The following IP6K2 variants were observed in gnomAD, a reference collection of about 807,000 sequenced individuals.
IP6K2 encodes the protein ATP:1D-myo-inositol-hexakisphosphate phosphotransferase.
A neutral mutation model predicts 43.3 loss-of-function variants in IP6K2; 9 were observed. The observed-to-expected ratio is 0.21, with a 90% CI of 0.13 to 0.36. The LOEUF is 0.36. IP6K2 is among the 10% of genes least tolerant of loss of function. IP6K2 has a pLI of 1.00. For synonymous variants in IP6K2, 209 were observed against 202.4 expected (o/e 1.03, Z -0.28); for missense variants, 332 against 538.4 (o/e 0.62, Z 3.79).
Position 48,688,825 on chromosome 3 carries a change from G to A in IP6K2, c.781-52C>T, listed in dbSNP as rs2106772249. The A allele has an allele frequency of 6.5e-7, 1 of 1,548,130 alleles. No homozygotes were observed. The highest frequency in any genetic ancestry group is 1.2e-5 in the South Asian group (1 of 80,892). On this transcript the variant is annotated intron_variant, in intron 5 of 5. Transcript: ENST00000328631. The surrounding 1 kb of genome is among the most constrained non-coding windows in gnomAD (Gnocchi z 5.1). Reference sequence around the variant, plus strand: ...GGGCTGAGGGCCATCTCAAACCCTGGACCCCGGGCGGGGGTGGGGTGGTGT... The same window carrying A: ...GGGCTGAGGGCCATCTCAAACCCTGAACCCCGGGCGGGGGTGGGGTGGTGT...
intron 1 of IP6K2, among the ~76,000 whole-genome samples, chr3:48,709,567 G>T (rs1366496491): frequency 6.6e-6 from 1 of 152,144 alleles, no homozygotes; most frequent in Non-Finnish European, 1.5e-5. Flanking sequence ...GGCTGGGCGC[G>T]GTGGCTCACG....
intron 1 of IP6K2, among the ~76,000 whole-genome samples, chr3:48,707,260 G>A (rs2079904977): frequency 6.6e-6 from 1 of 152,168 alleles, no homozygotes; most frequent in South Asian, 2.1e-4. Flanking sequence ...ACAGATGGCT[G>A]CCTGGCTCTT....
chr3:48,705,779 G>A (rs2106963087), intron 1 of IP6K2, among the ~76,000 whole-genome samples: 1 of 151,280 alleles, frequency 6.6e-6, no homozygotes, highest in South Asian at 2.1e-4. Context: ...GAGGTAGGTG[G>A]ATCGATTGAG....
chr3:48,700,333 G>GTT (rs2078884796), intron 1 of IP6K2, among the ~76,000 whole-genome samples: 1 of 152,126 alleles, frequency 6.6e-6, no homozygotes, highest in South Asian at 2.1e-4. Flanking sequence ...CATGTCACCT[G>GTT]TTTCTCTCTC....
At chr3:48,692,186 G>A (rs930830753) in intron 3 of IP6K2, among the ~76,000 whole-genome samples, 3 of 152,288 alleles carry the variant, frequency 2.0e-5, no homozygotes, top group South Asian at 2.1e-4. Context: ...GTGGCTTACC[G>A]TGTAAACATC....
chr3:48,699,565 G>GCT (rs1186894323), intron 1 of IP6K2: 1 of 152,168 alleles, frequency 6.6e-6, no homozygotes, highest in Non-Finnish European at 1.5e-5. Context: ...ATAGGTTGCT[G>GCT]CTCTTGGGAA....
intron 1 of IP6K2, among the ~76,000 whole-genome samples, chr3:48,714,387 G>C (rs6786055): frequency 6.6e-6 from 1 of 150,722 alleles, no homozygotes; most frequent in African/African-American, 2.4e-5. Context: ...CCTTTTTTTT[G>C]TGTGTGTGTG....
intron 3 of IP6K2, among the ~76,000 whole-genome samples, 195 bp from the exon 4 acceptor site, chr3:48,691,677 G>C (rs2077795629): frequency 6.6e-6 from 1 of 152,096 alleles, no homozygotes; most frequent in Admixed American, 6.5e-5. Flanking sequence ...TTAGCCAGGC[G>C]TGGTGGTGTG....
At chr3:48,709,338 G>A (rs1358019503) in intron 1 of IP6K2, among the ~76,000 whole-genome samples, 3 of 152,188 alleles carry the variant, frequency 2.0e-5, no homozygotes, top group Admixed American at 6.5e-5. Context: ...TAGTTCCTGC[G>A]ACCAAGGGAA....
intron 3 of IP6K2, among the ~76,000 whole-genome samples, chr3:48,692,667 C>T (rs2077900493): frequency 6.6e-6 from 1 of 152,248 alleles, no homozygotes. Flanking sequence ...TGGCTCCTCT[C>T]TTAGTCACTG....
intron 1 of IP6K2, among the ~76,000 whole-genome samples, chr3:48,705,639 C>T (rs1402034790): frequency 6.7e-6 from 1 of 148,796 alleles, no homozygotes; most frequent in African/African-American, 2.5e-5. Flanking sequence ...GATGACAGAG[C>T]AGGACACTGT....
chr3:48,710,520 G>A (rs779602437), intron 1 of IP6K2, among the ~76,000 whole-genome samples: 8 of 152,172 alleles, frequency 5.3e-5, no homozygotes, highest in Non-Finnish European at 8.8e-5. Context: ...AAGTAAAAAC[G>A]GTCTTTGAGC....
At chr3:48,707,873 G>A (rs574574868) in intron 1 of IP6K2, among the ~76,000 whole-genome samples, 13 of 152,226 alleles carry the variant, frequency 8.5e-5, no homozygotes, top group Admixed American at 6.5e-4. Context: ...TTCCATAAGG[G>A]ACACAGTAGC....
intron 1 of IP6K2, among the ~76,000 whole-genome samples, chr3:48,696,488 A>G (rs1277499368): frequency 6.6e-6 from 1 of 152,190 alleles, no homozygotes; most frequent in African/African-American, 2.4e-5. Flanking sequence ...CCTTTAAACC[A>G]AAGTTATGCT....
intron 1 of IP6K2, among the ~76,000 whole-genome samples, chr3:48,706,983 CATT>C (rs1169833951): frequency 6.6e-6 from 1 of 151,940 alleles, no homozygotes; most frequent in Non-Finnish European, 1.5e-5. Context: ...CATAATTGTA[CATT>C]ATTTTGTTTA....
intron 1 of IP6K2, among the ~76,000 whole-genome samples, chr3:48,704,627 A>G (rs1423376859): frequency 1.3e-5 from 2 of 152,048 alleles, no homozygotes; most frequent in African/African-American, 4.8e-5. Context: ...ACACGCCACC[A>G]TATCTGGCTA....
intron 2 of IP6K2, chr3:48,694,510 T>A: frequency 1.3e-6 from 2 of 1,538,560 alleles, no homozygotes; most frequent in South Asian, 2.5e-5. Context: ...ACCATGCTGG[T>A]GGCTGCTGAT....
chr3:48,706,509 G>A (rs1234775320), intron 1 of IP6K2, among the ~76,000 whole-genome samples: 2 of 152,100 alleles, frequency 1.3e-5, no homozygotes, highest in South Asian at 2.1e-4. Flanking sequence ...TGACTATGGC[G>A]ACCCTTCTGT....
intron 2 of IP6K2, chr3:48,693,554 C>T: frequency 8.3e-7 from 1 of 1,198,578 alleles, no homozygotes; most frequent in East Asian, 5.6e-5. Context: ...ATGCCCTAAA[C>T]AGAAACTCCA....
Sources: gnomAD v4.1 joint callset for allele counts (sites outside exome capture counted in the v4.1 genomes callset) on GRCh38, gnomAD v4.1.1 for gene constraint, Gnocchi (gnomAD v3.1) non-coding constraint, MANE v1.5 for transcripts, NCBI Gene and HGNC (gene_info 2026-07-23, HGNC 2026-07-21) for gene names.